The following ATP8A2 variants were observed in gnomAD, a reference collection of about 807,000 sequenced individuals.
ATP8A2 encodes phospholipid-transporting ATPase IB.
In ATP8A2, 100 loss-of-function variants were observed where a neutral mutation model predicts 165.6. The ratio of observed to expected loss-of-function variants is 0.60; its 90% CI spans 0.51 to 0.71. The LOEUF is 0.71. ATP8A2 is among the 30% of genes least tolerant of loss of function. ATP8A2 has a pLI of 0.00. For synonymous variants in ATP8A2, 543 were observed against 548.8 expected, an observed-to-expected ratio of 0.99 and a Z score of 0.15; for missense variants, 1,227 against 1,479.5, an observed-to-expected ratio of 0.83 and a Z score of 2.80.
At chr13:25,771,713 T>G (rs1194985763) in intron 26 of ATP8A2, among the ~76,000 whole-genome samples, 1 of 152,192 alleles carries the variant, frequency 6.6e-6, no homozygotes, top group South Asian at 2.1e-4. Context: ...CTGTGCACCC[T>G]CATTTCTCCT....
chr13:25,800,856 G>C (rs1433707875), intron 27 of ATP8A2, among the ~76,000 whole-genome samples: 1 of 152,098 alleles, frequency 6.6e-6, no homozygotes, highest in Admixed American at 6.5e-5. Flanking sequence ...CAGCCAAAAA[G>C]GGCTTATGAT....
intron 27 of ATP8A2, among the ~76,000 whole-genome samples, chr13:25,775,772 T>C (rs1471612010): frequency 6.6e-6 from 1 of 152,214 alleles, no homozygotes; most frequent in Admixed American, 6.5e-5. Context: ...TGCTTCATTC[T>C]ACTATGGGTT....
chr13:25,694,990 A>G (rs1241064969), intron 24 of ATP8A2, among the ~76,000 whole-genome samples: 1 of 152,148 alleles, frequency 6.6e-6, no homozygotes, highest in Non-Finnish European at 1.5e-5. Context: ...CTTTGTTTTT[A>G]ATAAAAGTCC....
At chr13:25,968,278 G>A (rs1955827665) in intron 34 of ATP8A2, among the ~76,000 whole-genome samples, 2 of 152,156 alleles carry the variant, frequency 1.3e-5, no homozygotes, top group African/African-American at 2.4e-5. Flanking sequence ...CTGGGTCTTC[G>A]TGAACCCCAC....
At chr13:25,880,872 G>A (rs1952960425) in intron 33 of ATP8A2, 1 of 453,924 alleles carries the variant, frequency 2.2e-6, no homozygotes, top group Middle Eastern at 3.3e-4. Context: ...GTTTCTTGAT[G>A]AAATATGTTT....
chr13:25,377,860 T>C (rs2032692248), intron 1 of ATP8A2, among the ~76,000 whole-genome samples: 2 of 152,114 alleles, frequency 1.3e-5, no homozygotes, highest in African/African-American at 4.8e-5. Context: ...GGCTCACGTG[T>C]GTAATCTCAG....
At chr13:25,536,483 T>G (rs1158051978) in intron 6 of ATP8A2, among the ~76,000 whole-genome samples, 3 of 152,226 alleles carry the variant, frequency 2.0e-5, no homozygotes, top group East Asian at 1.9e-4. Flanking sequence ...TACTGGTGGT[T>G]GTTAAAACAG....
At chr13:25,780,990 G>A (rs569397799) in intron 27 of ATP8A2, among the ~76,000 whole-genome samples, 3 of 152,246 alleles carry the variant, frequency 2.0e-5, no homozygotes, top group African/African-American at 7.2e-5. Context: ...CTGTGTCTTC[G>A]AATTCTCACG....
intron 1 of ATP8A2, among the ~76,000 whole-genome samples, chr13:25,376,002 C>T (rs564993297): frequency 6.6e-6 from 1 of 152,174 alleles, no homozygotes; most frequent in South Asian, 2.1e-4. Context: ...ACAACCTGCC[C>T]CAAGTTTCAA....
At chr13:25,910,753 A>G (rs1295140596) in intron 33 of ATP8A2, among the ~76,000 whole-genome samples, 1 of 152,292 alleles carries the variant, frequency 6.6e-6, no homozygotes, top group East Asian at 1.9e-4. Flanking sequence ...ATATCCATGT[A>G]TTAATACATT....
chr13:25,816,479 C>T (rs933098054), intron 27 of ATP8A2, among the ~76,000 whole-genome samples: 1 of 152,156 alleles, frequency 6.6e-6, no homozygotes, highest in South Asian at 2.1e-4. Context: ...AAGACCCAGC[C>T]CAAGTGGCCA....
At chr13:25,699,988 G>T (rs914805422) in intron 25 of ATP8A2, among the ~76,000 whole-genome samples, 8 of 152,154 alleles carry the variant, frequency 5.3e-5, no homozygotes, top group Non-Finnish European at 7.3e-5. Flanking sequence ...GTCACCAAAG[G>T]TCACAGAGAG....
At chr13:26,013,719 G>C (rs535714409) in intron 36 of ATP8A2, among the ~76,000 whole-genome samples, 1 of 151,946 alleles carries the variant, frequency 6.6e-6, no homozygotes. Context: ...ATTTATGAAC[G>C]TGAAGAATCA....
chr13:25,395,939 G>A (rs904564359), intron 1 of ATP8A2, among the ~76,000 whole-genome samples: 1 of 152,106 alleles, frequency 6.6e-6, no homozygotes. Context: ...CGTCTCCTGG[G>A]TTCAAGAGCT....
chr13:25,881,421 G>T (rs1952975319), intron 33 of ATP8A2, among the ~76,000 whole-genome samples: 1 of 152,146 alleles, frequency 6.6e-6, no homozygotes. Flanking sequence ...TTCTGTAAAA[G>T]TTAAGGGTCC....
chr13:25,571,730 T>C (rs756999034), intron 18 of ATP8A2, 38 bp downstream of exon 18: 2 of 1,519,550 alleles, frequency 1.3e-6, no homozygotes, highest in Non-Finnish European at 1.8e-6. Context: ...GATCACCTGC[T>C]TTTGTGAAGA....
rs544129113 is a variant in ATP8A2, at chr13:25,382,912, T to C, written c.76+10624T>C. 2.5e-3 allele frequency among the ~76,000 whole-genome samples: 382 copies of C among 151,532 alleles called. 7 individuals are homozygous for C. The East Asian group carries it at 0.033, about 13-fold the overall frequency. ...CTGGGACTACAGGTGCCCGCCACCA[T>C]GCCCAGCTAATTTTTTGTATTTTTA... On this transcript the variant is annotated intron_variant, in intron 1 of 36. Coordinates refer to ENST00000381655, the MANE Select transcript of ATP8A2 (RefSeq NM_016529.6).
rs2039798039 is a variant in ATP8A2, at chr13:25,582,319, T to C, written c.2146+362T>C. 2.0e-5 allele frequency among the ~76,000 whole-genome samples: 3 copies of C among 152,360 alleles called. No homozygotes were observed. The South Asian group carries it at 6.2e-4, about 32-fold the overall frequency. On this transcript the variant is annotated intron_variant, in intron 23 of 36. Transcript: ENST00000381655. ...TATTATTTTATGTAATTATAACCAT[T>C]TTAATGGTTTTGCCCATTAATGGGC...
intron 25 of ATP8A2, among the ~76,000 whole-genome samples, chr13:25,729,975 TTTTGTTC>T (rs755077618): frequency 6.6e-6 from 1 of 152,198 alleles, no homozygotes; most frequent in Non-Finnish European, 1.5e-5. Context: ...CCCAGCTTGT[TTTTGTTC>T]ACATCTAACT....
Sources: gnomAD v4.1 joint callset for allele counts (sites outside exome capture counted in the v4.1 genomes callset) on GRCh38, gnomAD v4.1.1 for gene constraint, MANE v1.5 for transcripts, NCBI Gene and HGNC (gene_info 2026-07-23, HGNC 2026-07-21) for gene names.